The following XPO7 variants were observed in gnomAD, a reference collection of about 807,000 sequenced individuals.
The protein encoded by XPO7 is exportin 7, also known as exportin-7.
A neutral mutation model predicts 144.3 loss-of-function variants in XPO7; 21 were observed. The ratio of observed to expected loss-of-function variants is 0.15; its 90% confidence interval spans 0.10 to 0.21. XPO7 has a LOEUF of 0.21. Ranked by LOEUF, XPO7 falls within the 10% of genes least tolerant of loss-of-function variation. The pLI is 1.00. For synonymous variants in XPO7, 580 were observed against 499.6 expected (o/e 1.16, Z -2.15); for missense variants, 808 against 1,325.8 (o/e 0.61, Z 6.06).
chr8:21,920,293 AC>A (rs1259243006), intron 1 of XPO7, among the ~76,000 whole-genome samples: 2 of 150,294 alleles, frequency 1.3e-5, no homozygotes, highest in Non-Finnish European at 3.0e-5. Context: ...AATACGAGAG[AC>A]CCCCCAGCAA....
At chr8:21,943,663 T>C (rs1350389552) in intron 1 of XPO7, among the ~76,000 whole-genome samples, 2 of 152,162 alleles carry the variant, frequency 1.3e-5, no homozygotes, top group Non-Finnish European at 2.9e-5. Flanking sequence ...CTAGTGAGGG[T>C]AGGGCTAAGG....
chr8:21,952,641 TA>T (rs1811408401), intron 1 of XPO7, among the ~76,000 whole-genome samples: 1 of 152,220 alleles, frequency 6.6e-6, no homozygotes, highest in Non-Finnish European at 1.5e-5. Flanking sequence ...AAATATTTTA[TA>T]CCAGATAAGT....
chr8:21,966,094 G>A, intron 1 of XPO7: 1 of 583,692 alleles, frequency 1.7e-6, no homozygotes, highest in East Asian at 2.8e-5. Context: ...TTTGACCAAA[G>A]CACACACCCA....
In XPO7 at chr8:22,005,443, A is replaced by C. The variant is rs964382107; in HGVS notation, c.*355A>C. 1 of 169,478 alleles carries C rather than the reference A, an allele frequency of 5.9e-6. No homozygotes were observed. The highest frequency in any genetic ancestry group is 2.4e-5 in the African/African-American group (1 of 42,114). 10.5% of individuals were successfully genotyped at this position (169,478 alleles called of 1,614,324 possible). A position where few individuals can be genotyped will look rare whatever the true frequency, so the allele number is the denominator to read the frequency against. On this transcript the variant is annotated 3_prime_UTR_variant, in exon 28 of 28. Coordinates refer to ENST00000252512, the MANE Select transcript of XPO7 (RefSeq NM_015024.5). ...TGTACATTTTTTCATAACATTTTGA[A>C]CAAGGTTTATATTGACTCAAGTTTA...
At chr8:21,943,204 A>G (rs1056443806) in intron 1 of XPO7, among the ~76,000 whole-genome samples, 4 of 152,248 alleles carry the variant, frequency 2.6e-5, no homozygotes, top group African/African-American at 9.6e-5. Flanking sequence ...TGTTATATCC[A>G]GCACTCTCGG....
In XPO7 at chr8:22,005,028, A is replaced by G; in HGVS notation, c.3204A>G (p.Glu1068=). 6.2e-7 allele frequency: 1 copy of G among 1,612,236 alleles called. No individual in the cohort carries two copies. The highest frequency in any genetic ancestry group is 8.5e-7 in the Non-Finnish European group (1 of 1,179,108). ...AGAACCTGTCAGCATTCCGTCGAGA[A>G]GTCAACGACTCAATGAAGAATTCCA... ...FTQNLSAFRR[E]VNDSMKNSTY... is the part of the protein sequence containing the mutation. The change falls in exon 28 of 28, where the codon GAA becomes GAG. Residue 1068 remains glutamate, a synonymous_variant. Transcript: ENST00000252512.
At chr8:21,958,964 A>C (rs1811631830) in intron 1 of XPO7, among the ~76,000 whole-genome samples, 1 of 31,422 alleles carries the variant, frequency 3.2e-5, no homozygotes, top group African/African-American at 1.9e-4. Context: ...CTGTCTCCAA[A>C]AAAAAAAAAA....
chr8:21,973,783 T>C (rs555497502), intron 5 of XPO7, among the ~76,000 whole-genome samples: 1 of 152,356 alleles, frequency 6.6e-6, no homozygotes, highest in Non-Finnish European at 1.5e-5. Context: ...TACTGTGTGT[T>C]AGGACTGGGA....
intron 1 of XPO7, among the ~76,000 whole-genome samples, chr8:21,937,843 G>A (rs1051502248): frequency 4.7e-4 from 71 of 152,218 alleles, no homozygotes; most frequent in African/African-American, 1.6e-3. Flanking sequence ...GGAATGTTAC[G>A]TAAATGAGAA....
chr8:21,970,125 T>C lies in XPO7; in HGVS notation c.260-19T>C. ...TTCTATTATGTGGATTGGTTTTGTT[T>C]CTTGTTTTTTTTTAATAGGGAACTA... is the stretch of plus-strand genomic sequence containing the variant. On this transcript the variant is annotated intron_variant, in intron 3 of 27. Coordinates refer to ENST00000252512, the MANE Select transcript of XPO7 (RefSeq NM_015024.5). 1.2e-6 allele frequency: 2 copies of C among 1,602,776 alleles called. No homozygotes were observed. The highest frequency in any genetic ancestry group is 1.7e-6 in the Non-Finnish European group (2 of 1,176,128).
intron 22 of XPO7, 21 bp downstream of exon 22, chr8:21,998,858 T>C: frequency 6.2e-7 from 1 of 1,612,554 alleles, no homozygotes. Flanking sequence ...CAGATAATCA[T>C]GCCTCTAGAA....
Position 21,981,830 on chromosome 8 carries a change from C to G in XPO7, c.1057C>G (p.Pro353Ala). The G allele has an allele frequency of 7.4e-6, 12 of 1,613,960 alleles. No homozygotes were observed. Among genetic ancestry groups the G allele is most frequent in the Non-Finnish European group, 1.0e-5 (12 of 1,179,864 alleles). The change falls in exon 10 of 28, where the codon CCT becomes GCT. Residue 353 changes from proline (P) to alanine (A), a missense_variant. Around this residue, in one of 5 missense-constraint regions of XPO7, gnomAD observed 26 missense variants for 85.8 expected, o/e 0.30. Coordinates refer to ENST00000252512, the MANE Select transcript of XPO7 (RefSeq NM_015024.5). The part of the protein sequence containing the change: ...LGELVKVENY[P>A]EVIRLIANFT... The stretch of plus-strand genomic sequence containing the variant: ...AGAATTGGTAAAGGTGGAAAACTAC[C>G]CTGAGGTCATCCGATTGATAGCCAA...
intron 1 of XPO7, among the ~76,000 whole-genome samples, chr8:21,943,161 A>G (rs1287701529): frequency 4.6e-5 from 7 of 152,218 alleles, no homozygotes; most frequent in South Asian, 2.1e-4. Context: ...TTGGGAACCT[A>G]TGAACTGGAG....
chr8:21,936,125 G>A (rs1810814487), intron 1 of XPO7, among the ~76,000 whole-genome samples: 1 of 152,098 alleles, frequency 6.6e-6, no homozygotes, highest in African/African-American at 2.4e-5. Flanking sequence ...GTCTTTTAAT[G>A]TCTGCTAACC....
At chr8:21,927,575 T>C (rs1019605787) in intron 1 of XPO7, among the ~76,000 whole-genome samples, 1 of 150,316 alleles carries the variant, frequency 6.7e-6, no homozygotes, top group Non-Finnish European at 1.5e-5. Context: ...GATGGAGTTT[T>C]GCTCTTGTTG....
intron 16 of XPO7, among the ~76,000 whole-genome samples, chr8:21,989,325 A>G (rs1191210083): frequency 6.6e-6 from 1 of 152,332 alleles, no homozygotes; most frequent in East Asian, 1.9e-4. Flanking sequence ...GTCTATTCCT[A>G]AGTTCCAGAA....
At chr8:21,980,282 A>T in intron 9 of XPO7, 79 bp downstream of exon 9, 1 of 1,459,936 alleles carries the variant, frequency 6.8e-7, no homozygotes. Flanking sequence ...AATCCATCCC[A>T]AGGCCCAGTA....
At chr8:21,976,037 C>A (rs1205256871) in intron 6 of XPO7, among the ~76,000 whole-genome samples, 1 of 152,166 alleles carries the variant, frequency 6.6e-6, no homozygotes, top group Admixed American at 6.5e-5. Flanking sequence ...AATAAAATGA[C>A]CACAGGAGCC....
At chr8:21,982,016 T>C (rs1023193565) in intron 10 of XPO7, 139 bp downstream of exon 10, 3 of 1,118,154 alleles carry the variant, frequency 2.7e-6, no homozygotes, top group Admixed American at 5.0e-5. Flanking sequence ...GTAGTTACTA[T>C]TGTGGCCTGT....
Sources: allele counts gnomAD v4.1 joint callset (sites outside exome capture counted in the v4.1 genomes callset), GRCh38; gene constraint gnomAD v4.1.1; regional missense constraint gnomAD v4.1.1; transcripts MANE v1.5; gene names NCBI Gene and HGNC (gene_info 2026-07-23, HGNC 2026-07-21).